NEURL1B: variants seen among roughly 807,000 people sequenced by gnomAD.
The protein encoded by NEURL1B is neuralized E3 ubiquitin protein ligase 1B.
NEURL1B carries 13 observed loss-of-function variants against 37.4 expected under a neutral mutation model. The observed-to-expected ratio is 0.35, with a 90% CI of 0.23 to 0.55. NEURL1B has a LOEUF of 0.55. Ranked by LOEUF, NEURL1B falls within the 20% of genes least tolerant of loss-of-function variation. The probability of loss-of-function intolerance (pLI) is 0.89; values close to 1 mark genes in which losing one functional copy is unlikely to be tolerated. For synonymous variants in NEURL1B, 432 were observed against 426.6 expected, an observed-to-expected ratio of 1.01 and a Z score of -0.16; for missense variants, 790 against 879.2, an observed-to-expected ratio of 0.90 and a Z score of 1.28.
chr5:172,667,168 T>C (rs1758030649), intron 1 of NEURL1B, among the ~76,000 whole-genome samples: 1 of 150,814 alleles, frequency 6.6e-6, no homozygotes, highest in Non-Finnish European at 1.5e-5. Flanking sequence ...CTGGGCATGG[T>C]GGCTCATTCC....
chr5:172,660,007 G>C (rs552472658), intron 1 of NEURL1B, among the ~76,000 whole-genome samples: 1 of 152,208 alleles, frequency 6.6e-6, no homozygotes, highest in South Asian at 2.1e-4. Context: ...TCGAGGGGGC[G>C]GGGACAGTGT....
Position 172,657,774 on chromosome 5 carries a change from G to C in NEURL1B, c.32-12011G>C, listed in dbSNP as rs994993604. Among the ~76,000 whole-genome samples, 9 of 152,276 alleles carry C rather than the reference G, an allele frequency of 5.9e-5. No homozygotes were observed. Among genetic ancestry groups the C allele is most frequent in the African/African-American group, 2.2e-4 (9 of 41,558 alleles). On this transcript the variant is annotated intron_variant, in intron 1 of 4. Coordinates refer to ENST00000369800, the MANE Select transcript of NEURL1B (RefSeq NM_001142651.3). The surrounding 1 kb of genome is among the most constrained non-coding windows in gnomAD (Gnocchi z 4.0). ...CTTGTGGAAGGCTGGATATTATCCA[G>C]GCCTGCCCGCAGTCATCCGGAGGCC...
rs917376016 is a variant in NEURL1B, at chr5:172,683,330, G to C, written c.578-89G>C. ...CTCGAGGCCCGGGTCGGTCGTGGAGGCCTGCAGGAGGCAGCGGGCGAGGAG... is the reference window on the plus strand; with the variant it reads ...CTCGAGGCCCGGGTCGGTCGTGGAGCCCTGCAGGAGGCAGCGGGCGAGGAG... On this transcript the variant is annotated intron_variant, in intron 2 of 4. Coordinates refer to ENST00000369800, the MANE Select transcript of NEURL1B (RefSeq NM_001142651.3). The surrounding 1 kb of genome is among the most constrained non-coding windows in gnomAD (Gnocchi z 5.6). The C allele has an allele frequency of 3.2e-6, 4 of 1,247,470 alleles. No individual in the cohort carries two copies. The South Asian group carries it at 1.1e-4, about 35-fold the overall frequency. 77.3% of individuals were successfully genotyped at this position (1,247,470 alleles called of 1,614,324 possible).
intron 1 of NEURL1B, among the ~76,000 whole-genome samples, chr5:172,655,960 T>G (rs1004598908): frequency 2.0e-5 from 3 of 152,190 alleles, no homozygotes; most frequent in Non-Finnish European, 4.4e-5. Flanking sequence ...TTCTTTTTAA[T>G]TCTCAGCAAG....
chr5:172,680,328 C>T (rs896324595), intron 2 of NEURL1B, among the ~76,000 whole-genome samples: 1 of 152,036 alleles, frequency 6.6e-6, no homozygotes, highest in Admixed American at 6.5e-5. Flanking sequence ...AATCTAAGTC[C>T]GCCTGTCTCC....
At chr5:172,666,264 A>G (rs992059457) in intron 1 of NEURL1B, among the ~76,000 whole-genome samples, 1 of 152,180 alleles carries the variant, frequency 6.6e-6, no homozygotes, top group African/African-American at 2.4e-5. Context: ...TCTGCCCTTA[A>G]CTAAACCAGC....
At chr5:172,681,894 T>G (rs1713877605) in intron 2 of NEURL1B, among the ~76,000 whole-genome samples, 1 of 152,272 alleles carries the variant, frequency 6.6e-6, no homozygotes, top group South Asian at 2.1e-4. Flanking sequence ...TATTTTCCTA[T>G]TATGGTAAAC....
Position 172,686,776 on chromosome 5 carries a change from T to C in NEURL1B, c.1519T>C (p.Phe507Leu). 6.4e-7 allele frequency: 1 copy of C among 1,551,812 alleles called. No homozygotes were observed. ...GIKNGECTVC[F>L]DGEVDTVIYT... Reference sequence around the variant, plus strand: ...CAAGAATGGCGAGTGCACGGTGTGCTTCGATGGCGAGGTGGACACGGTCAT... The same window carrying C: ...CAAGAATGGCGAGTGCACGGTGTGCCTCGATGGCGAGGTGGACACGGTCAT... The change falls in exon 5 of 5, where the codon TTC becomes CTC. Residue 507 changes from phenylalanine (F) to leucine (L), a missense_variant. Around this residue, in one of 3 missense-constraint regions of NEURL1B, gnomAD observed 115 missense variants for 162.6 expected, o/e 0.71. Coordinates refer to ENST00000369800, the MANE Select transcript of NEURL1B (RefSeq NM_001142651.3). The surrounding 1 kb of genome is among the most constrained non-coding windows in gnomAD (Gnocchi z 7.9).
chr5:172,642,837 C>T (rs1197731878), intron 1 of NEURL1B, among the ~76,000 whole-genome samples: 3 of 152,220 alleles, frequency 2.0e-5, no homozygotes, highest in African/African-American at 7.2e-5. Flanking sequence ...GTGGACAGGG[C>T]TATTGCCAGG....
chr5:172,649,050 G>A (rs553636613), intron 1 of NEURL1B, among the ~76,000 whole-genome samples: 5 of 152,320 alleles, frequency 3.3e-5, no homozygotes, highest in African/African-American at 7.2e-5. Context: ...AGTGCATGGT[G>A]GACCCAATGC....
rs977924548 is a variant in NEURL1B, at chr5:172,657,622, G to A, written c.32-12163G>A. Reference sequence around the variant, plus strand: ...GAGTCTTCTGTCACGCCCGCATAAGGGTTGCTTGAGGGCTCCTTGGTCAAG... The same window carrying A: ...GAGTCTTCTGTCACGCCCGCATAAGAGTTGCTTGAGGGCTCCTTGGTCAAG... On this transcript the variant is annotated intron_variant, in intron 1 of 4. Transcript: ENST00000369800. This position sits in a 1 kb window ranked among gnomAD's most constrained non-coding sequence, Gnocchi z 4.0. Among the ~76,000 whole-genome samples, 2 of 152,166 alleles carry A rather than the reference G, an allele frequency of 1.3e-5. No homozygotes were observed. Among genetic ancestry groups the A allele is most frequent in the African/African-American group, 4.8e-5 (2 of 41,428 alleles).
In NEURL1B at chr5:172,641,550, C is replaced by CCGA; in HGVS notation, c.31+113_31+114insCGA. On this transcript the variant is annotated intron_variant, in intron 1 of 4. Transcript: ENST00000369800. This position sits in a 1 kb window ranked among gnomAD's most constrained non-coding sequence, Gnocchi z 6.4. ...GGCCCTTGGAGCCCTCGGCTCGCAG[C>CCGA]GGGCTGGAGTCTCCGGTACCTCCCG... 1 of 933,972 alleles carries CCGA rather than the reference C, an allele frequency of 1.1e-6. No individual in the cohort carries two copies. Among genetic ancestry groups the CCGA allele is most frequent in the Non-Finnish European group, 1.4e-6 (1 of 714,426 alleles). The allele number at this position is 933,972 out of a possible 1,614,324, so 57.9% of individuals were successfully genotyped here.
chr5:172,651,942 C>A (rs1035162390), intron 1 of NEURL1B, among the ~76,000 whole-genome samples: 1 of 152,210 alleles, frequency 6.6e-6, no homozygotes, highest in Non-Finnish European at 1.5e-5. Flanking sequence ...AAAGGGATAG[C>A]CAACTGGACT....
intron 2 of NEURL1B, among the ~76,000 whole-genome samples, chr5:172,680,387 G>C (rs978126852): frequency 6.6e-6 from 1 of 151,942 alleles, no homozygotes; most frequent in Non-Finnish European, 1.5e-5. Flanking sequence ...CTCCTGTGTG[G>C]AGCCGCTGGG....
At position 172,683,559 on chromosome 5, in the gene NEURL1B, C is replaced by T. The variant is rs1403432279; in HGVS notation, c.718C>T (p.His240Tyr). The change falls in exon 3 of 5, where the codon CAC (histidine) becomes TAC (tyrosine). Residue 240 changes from histidine (H) to tyrosine (Y), a missense_variant. Physicochemically the swap from His to Tyr is moderately conservative, Grantham distance 83. This residue lies in a region of NEURL1B where 460 missense variants were observed against 407.4 expected (regional missense o/e 1.13). Transcript: ENST00000369800. The surrounding 1 kb of genome is among the most constrained non-coding windows in gnomAD (Gnocchi z 5.6). ...ENNQVVAKLG[H>Y]LALGRAPGPP... ...CAACCAGGTGGTGGCCAAGCTGGGC[C>T]ACCTGGCGCTGGGCCGCGCCCCGGG... 2 of 1,473,224 alleles carry T rather than the reference C, an allele frequency of 1.4e-6. No homozygotes were observed. Among genetic ancestry groups the T allele is most frequent in the Non-Finnish European group, 1.8e-6 (2 of 1,114,700 alleles). The allele number at this position is 1,473,224 out of a possible 1,614,324, so 91.3% of individuals were successfully genotyped here. A position where few individuals can be genotyped will look rare whatever the true frequency, so the allele number is the denominator to read the frequency against.
Position 172,683,883 on chromosome 5 carries a change from G to C in NEURL1B, c.1042G>C (p.Gly348Arg), listed in dbSNP as rs1373384653. The change falls in exon 3 of 5, where the codon GGC becomes CGC. Residue 348 changes from glycine (G) to arginine (R), a missense_variant. Gly to Arg is a moderately radical substitution (Grantham distance 125). Coordinates refer to ENST00000369800, the MANE Select transcript of NEURL1B (RefSeq NM_001142651.3). This position sits in a 1 kb window ranked among gnomAD's most constrained non-coding sequence, Gnocchi z 5.6. ...LAFGITSCDP[G>R]VLRPNELPAD... ...CTTCGGCATCACGTCGTGCGACCCG[G>C]GCGTGCTACGGCCCAACGAGCTGCC... The C allele has an allele frequency of 7.1e-7, 1 of 1,409,678 alleles. No homozygotes were observed. The highest frequency in any genetic ancestry group is 1.4e-5 in the South Asian group (1 of 73,078). 87.3% of individuals were successfully genotyped at this position (1,409,678 alleles called of 1,614,324 possible).
At chr5:172,681,198 A>G (rs1236712742) in intron 2 of NEURL1B, among the ~76,000 whole-genome samples, 1 of 152,234 alleles carries the variant, frequency 6.6e-6, no homozygotes, top group Non-Finnish European at 1.5e-5. Flanking sequence ...AGGGATTACA[A>G]TTTGACATGA....
chr5:172,641,384 C>T lies in NEURL1B; in HGVS notation c.-23C>T. On this transcript the variant is annotated 5_prime_UTR_variant, in exon 1 of 5. Coordinates refer to ENST00000369800, the MANE Select transcript of NEURL1B (RefSeq NM_001142651.3). The surrounding 1 kb of genome is among the most constrained non-coding windows in gnomAD (Gnocchi z 6.4). Reference sequence around the variant, plus strand: ...TCCGCGCGCCCAGAGCGCGCCGCCGCCAACGCCGCGCCCGACGCAGCGATG... The same window carrying T: ...TCCGCGCGCCCAGAGCGCGCCGCCGTCAACGCCGCGCCCGACGCAGCGATG... 1 of 1,388,390 alleles carries T rather than the reference C, an allele frequency of 7.2e-7. No homozygotes were observed. The highest frequency in any genetic ancestry group is 9.3e-7 in the Non-Finnish European group (1 of 1,071,276). 86.0% of individuals were successfully genotyped at this position (1,388,390 alleles called of 1,614,324 possible).
chr5:172,652,913 G>A (rs934910172), intron 1 of NEURL1B, among the ~76,000 whole-genome samples: 1 of 152,188 alleles, frequency 6.6e-6, no homozygotes, highest in Non-Finnish European at 1.5e-5. Context: ...TGGGACTATG[G>A]CCCACGACTC....
Sources: allele counts gnomAD v4.1 joint callset (sites outside exome capture counted in the v4.1 genomes callset), GRCh38; gene constraint gnomAD v4.1.1; regional missense constraint gnomAD v4.1.1; non-coding constraint Gnocchi (gnomAD v3.1); transcripts MANE v1.5; gene names NCBI Gene and HGNC (gene_info 2026-07-23, HGNC 2026-07-21).